SPNS3: variants seen among roughly 807,000 people sequenced by gnomAD.
SPNS3 encodes the protein protein spinster homolog 3.
Under a neutral mutation model 54.4 loss-of-function variants are expected in SPNS3, and 51 were observed. The observed-to-expected ratio is 0.94, with a 90% CI of 0.75 to 1.18. The LOEUF (loss-of-function observed/expected upper bound fraction) is 1.18. SPNS3 is among the 50% of genes most tolerant of loss of function. SPNS3 has a pLI of 0.00. For missense variants in SPNS3, 669 were observed against 677.4 expected, an observed-to-expected ratio of 0.99 and a Z score of 0.14; for synonymous variants, 309 against 294.7, an observed-to-expected ratio of 1.05 and a Z score of -0.50.
intron 9 of SPNS3, among the ~76,000 whole-genome samples, chr17:4,480,573 C>T (rs1972124425): frequency 6.6e-6 from 1 of 152,220 alleles, no homozygotes; most frequent in Non-Finnish European, 1.5e-5. Flanking sequence ...GAAGGCTGCA[C>T]CCGTGTCCCC....
Position 4,439,644 on chromosome 17 carries a change from C to G in SPNS3, c.200-14C>G. Reference sequence around the variant, plus strand: ...CTACTTCCCGTTTCCTGAGCACTGTCCCTCTGTCTGCAGGAGTGCTGCTGG... The same window carrying G: ...CTACTTCCCGTTTCCTGAGCACTGTGCCTCTGTCTGCAGGAGTGCTGCTGG... On this transcript the variant is annotated splice_polypyrimidine_tract_variant and intron_variant, in intron 1 of 11. Transcript: ENST00000355530. 6.2e-7 allele frequency: 1 copy of G among 1,611,414 alleles called. No homozygotes were observed. The highest frequency in any genetic ancestry group is 8.5e-7 in the Non-Finnish European group (1 of 1,178,904).
chr17:4,468,763 C>T (rs9797158), intron 8 of SPNS3, among the ~76,000 whole-genome samples: 6,666 of 28,060 alleles, frequency 0.24, 299 homozygotes, highest in African/African-American at 0.32. Context: ...CTTTCTTTCT[C>T]TCTTTCTTTT....
chr17:4,455,232 C>T (rs978802745), intron 8 of SPNS3, among the ~76,000 whole-genome samples: 8 of 152,166 alleles, frequency 5.3e-5, no homozygotes, highest in African/African-American at 1.4e-4. Context: ...AGCTTCTATC[C>T]GGACCAGAAA....
intron 4 of SPNS3, 95 bp from the exon 5 acceptor site, chr17:4,446,801 G>T: frequency 8.5e-7 from 1 of 1,179,098 alleles, no homozygotes; most frequent in Non-Finnish European, 1.3e-6. Flanking sequence ...CAGCTCCCTG[G>T]GGCGTGGGGG....
chr17:4,453,632 G>A (rs1971230309), intron 8 of SPNS3, among the ~76,000 whole-genome samples: 1 of 151,336 alleles, frequency 6.6e-6, no homozygotes, highest in African/African-American at 2.4e-5. Flanking sequence ...GAAAAAAACA[G>A]AGAGAGAAGC....
intron 6 of SPNS3, 70 bp downstream of exon 6, chr17:4,448,373 C>G (rs1190303686): frequency 7.3e-6 from 10 of 1,378,832 alleles, no homozygotes; most frequent in Non-Finnish European, 9.5e-6. Flanking sequence ...CATTGACCCC[C>G]TCTCTCCACC....
rs542754087 is a variant in SPNS3, at chr17:4,435,160, G to T, written c.199+994G>T. On this transcript the variant is annotated intron_variant, in intron 1 of 11. Transcript: ENST00000355530. ...TTTTAGGGCTGGGTGCGGTGGCTCA[G>T]GCCTGTAATCCCAGCACTGTGGGAG... is the stretch of plus-strand genomic sequence containing the variant. Among the ~76,000 whole-genome samples, 13 of 151,170 alleles carry T rather than the reference G, an allele frequency of 8.6e-5. 1 individual carries two copies. In the East Asian group the frequency reaches 2.6e-3, roughly 30 times the overall value.
Position 4,462,754 on chromosome 17 carries a change from A to AATCTATCC in SPNS3, c.1113+9552_1113+9553insTATCCATC, listed in dbSNP as rs1555531272. 8.1e-3 allele frequency among the ~76,000 whole-genome samples: 165 copies of AATCTATCC among 20,392 alleles called. 6 individuals carry two copies. Among genetic ancestry groups the AATCTATCC allele is most frequent in the South Asian group, 0.017 (6 of 362 alleles). 13.4% of individuals were successfully genotyped at this position (20,392 alleles called of 152,430 possible). ...CCATCCACCAATCCATCCATCCACC[A>AATCTATCC]ATCCATCCATCCATCCATCCATCCA... is the stretch of plus-strand genomic sequence containing the variant. On this transcript the variant is annotated intron_variant, in intron 8 of 11. Transcript: ENST00000355530.
At chr17:4,456,691 T>C (rs1006337853) in intron 8 of SPNS3, among the ~76,000 whole-genome samples, 1 of 149,900 alleles carries the variant, frequency 6.7e-6, no homozygotes, top group Non-Finnish European at 1.5e-5. Context: ...AATTGTTGTG[T>C]TTTTTGGTTT....
intron 7 of SPNS3, among the ~76,000 whole-genome samples, chr17:4,450,224 C>A (rs1971120817): frequency 6.6e-6 from 1 of 151,892 alleles, no homozygotes; most frequent in African/African-American, 2.4e-5. Context: ...CTGACTGCAC[C>A]CACGCCTACC....
rs574304288 is a variant in SPNS3, at chr17:4,480,351, G to A, written c.1179+1714G>A. 9.6e-4 allele frequency among the ~76,000 whole-genome samples: 147 copies of A among 152,334 alleles called. 2 individuals carry two copies. The South Asian group carries it at 0.028, about 29-fold the overall frequency. On this transcript the variant is annotated intron_variant, in intron 9 of 11. Coordinates refer to ENST00000355530, the MANE Select transcript of SPNS3 (RefSeq NM_182538.5). The stretch of plus-strand genomic sequence containing the variant: ...ACCTGCCCGGTAGGGTGAGCAAGGC[G>A]GCCTCCAGGAATGCTCAGGAAAGGG...
At position 4,464,671 on chromosome 17, in the gene SPNS3, CT is replaced by C. The variant is rs150671420; in HGVS notation, c.1113+11467del. On this transcript the variant is annotated intron_variant, in intron 8 of 11. Coordinates refer to ENST00000355530, the MANE Select transcript of SPNS3 (RefSeq NM_182538.5). ...TAAAGAGATAAGCAAACTTTTGAGC[CT>C]GTTCTTTTTTATTTTTTTATTTTTT... 6.0e-3 allele frequency among the ~76,000 whole-genome samples: 914 copies of C among 152,166 alleles called. 8 individuals are homozygous for C. The highest frequency in any genetic ancestry group is 0.02 in the African/African-American group (842 of 41,518).
At chr17:4,447,414 C>G (rs1000915164) in intron 5 of SPNS3, among the ~76,000 whole-genome samples, 2 of 152,170 alleles carry the variant, frequency 1.3e-5, no homozygotes, top group African/African-American at 4.8e-5. Flanking sequence ...CGCTGGGGCT[C>G]CAGCCCTTGT....
At chr17:4,464,366 G>A (rs1455074647) in intron 8 of SPNS3, among the ~76,000 whole-genome samples, 1 of 152,216 alleles carries the variant, frequency 6.6e-6, no homozygotes, top group East Asian at 1.9e-4. Context: ...AGGAGGGACT[G>A]CACCCAAAGC....
In SPNS3 at chr17:4,454,989, CGG is replaced by C. The variant is rs1567561753; in HGVS notation, c.1113+1785_1113+1786del. ...AGTGCGGTGGCGCGATCTCAGCTCA[CGG>C]TAACCTCCGCCTCCTGGGTTCAAGC... On this transcript the variant is annotated intron_variant, in intron 8 of 11. Transcript: ENST00000355530. Among the ~76,000 whole-genome samples, 732 of 150,902 alleles carry C rather than the reference CGG, an allele frequency of 4.9e-3. 2 individuals are homozygous for C. Among genetic ancestry groups the C allele is most frequent in the African/African-American group, 0.017 (691 of 40,998 alleles).
At chr17:4,436,438 T>TA (rs1016946443) in intron 1 of SPNS3, among the ~76,000 whole-genome samples, 1 of 151,856 alleles carries the variant, frequency 6.6e-6, no homozygotes, top group East Asian at 1.9e-4. Context: ...ACAAAAAATT[T>TA]AAAAAATTAG....
At chr17:4,467,043 CGGA>C (rs541245127) in intron 8 of SPNS3, among the ~76,000 whole-genome samples, 80 of 152,114 alleles carry the variant, frequency 5.3e-4, no homozygotes, top group African/African-American at 1.8e-3. Flanking sequence ...GCAGTCCATG[CGGA>C]GGGCAGCCTG....
chr17:4,441,390 A>T (rs1970843020), intron 2 of SPNS3, among the ~76,000 whole-genome samples: 2 of 152,142 alleles, frequency 1.3e-5, no homozygotes, highest in Admixed American at 1.3e-4. Flanking sequence ...CAAAAGAGTT[A>T]CGTGAGCAAC....
intron 9 of SPNS3, among the ~76,000 whole-genome samples, chr17:4,480,565 A>AG (rs1212896875): frequency 3.9e-5 from 6 of 152,124 alleles, no homozygotes; most frequent in African/African-American, 1.4e-4. Context: ...AGATATGTGA[A>AG]GGCTGCACCC....
Sources: allele counts gnomAD v4.1 joint callset (sites outside exome capture counted in the v4.1 genomes callset), GRCh38; gene constraint gnomAD v4.1.1; transcripts MANE v1.5; gene names NCBI Gene and HGNC (gene_info 2026-07-23, HGNC 2026-07-21).